SCIN: variants seen among roughly 807,000 people sequenced by gnomAD.
SCIN encodes the protein scinderin.
In SCIN, 91 loss-of-function variants were observed where a neutral mutation model predicts 91.8. The observed-to-expected ratio is 0.99, with a 90% CI of 0.84 to 1.18. The LOEUF (loss-of-function observed/expected upper bound fraction) is 1.18. Ranked by LOEUF, SCIN falls within the 50% of genes most tolerant of loss-of-function variation. The pLI is 0.00. For missense variants in SCIN, 1,087 were observed against 863.9 expected (o/e 1.26, Z -3.24); for synonymous variants, 367 against 312.6 (o/e 1.17, Z -1.84).
chr7:12,597,750 A>G (rs925364457), intron 3 of SCIN, among the ~76,000 whole-genome samples: 1 of 152,210 alleles, frequency 6.6e-6, no homozygotes, highest in Non-Finnish European at 1.5e-5. Flanking sequence ...ACTAACTGCC[A>G]GTAACAGATT....
At chr7:12,602,905 G>A (rs963757308) in intron 3 of SCIN, among the ~76,000 whole-genome samples, 18 of 152,122 alleles carry the variant, frequency 1.2e-4, no homozygotes, top group Admixed American at 8.5e-4. Flanking sequence ...TTCAGCTTAC[G>A]AAGGTAATAG....
intron 4 of SCIN, 60 bp downstream of exon 4, chr7:12,604,723 G>A (rs200411842): frequency 2.2e-6 from 2 of 919,480 alleles, no homozygotes; most frequent in South Asian, 4.7e-5. Flanking sequence ...GTGTCTGTGT[G>A]GTGTGTGTGT....
At chr7:12,641,820 C>T (rs933132953) in intron 11 of SCIN, among the ~76,000 whole-genome samples, 1 of 152,010 alleles carries the variant, frequency 6.6e-6, no homozygotes, top group Non-Finnish European at 1.5e-5. Flanking sequence ...CCTTTCTCCC[C>T]AGATCCCCAG....
rs997643385 is a variant in SCIN, at chr7:12,651,952, C to T, written c.2020+51C>T. On this transcript the variant is annotated intron_variant, in intron 15 of 15. Transcript: ENST00000297029. This position sits in a 1 kb window ranked among gnomAD's most constrained non-coding sequence, Gnocchi z 5.9. Reference sequence around the variant, plus strand: ...AGCAGTAACCGGGCACCATTATGACCGAGTGTCTGGCTTGCTCTTTGCCAC... The same window carrying T: ...AGCAGTAACCGGGCACCATTATGACTGAGTGTCTGGCTTGCTCTTTGCCAC... 1.1e-5 allele frequency: 14 copies of T among 1,270,474 alleles called. No homozygotes were observed. The East Asian group carries it at 1.7e-4, about 16-fold the overall frequency. The allele number at this position is 1,270,474 out of a possible 1,614,324, so 78.7% of individuals were successfully genotyped here.
At chr7:12,588,847 G>C (rs1157047473) in intron 3 of SCIN, 1 of 130,918 alleles carries the variant, frequency 7.6e-6, no homozygotes, top group Non-Finnish European at 1.6e-5. Context: ...GAAGGGGGAG[G>C]GGTTCTGGTG....
At position 12,649,507 on chromosome 7, in the gene SCIN, C is replaced by A; in HGVS notation, c.1922C>A (p.Ala641Asp). 1 of 1,603,206 alleles carries A rather than the reference C, an allele frequency of 6.2e-7. No individual in the cohort carries two copies. The highest frequency in any genetic ancestry group is 8.5e-7 in the Non-Finnish European group (1 of 1,174,336). The change falls in exon 14 of 16, where the codon GCT becomes GAT. Residue 641 changes from alanine to aspartate, a missense_variant. Transcript: ENST00000297029. ...GGAGAGTTCACCCAGGATGATTTAG[C>A]TGAAGATGATGTCATGTTACTAGAT... ...IPGEFTQDDL[A>D]EDDVMLLDAW...
Position 12,636,142 on chromosome 7 carries a change from A to T in SCIN, c.1410+7A>T. 2 of 1,605,962 alleles carry T rather than the reference A, an allele frequency of 1.2e-6. No homozygotes were observed. Among genetic ancestry groups the T allele is most frequent in the Non-Finnish European group, 1.7e-6 (2 of 1,174,554 alleles). On this transcript the variant is annotated splice_region_variant and intron_variant, in intron 10 of 15. Coordinates refer to ENST00000297029, the MANE Select transcript of SCIN (RefSeq NM_001112706.3). ...TGGAGGACAGGCTGTGCAGGTTGGG[A>T]TATTTTTACCCCCAAAACTCACACA...
rs1751992983 is a variant in SCIN at position 12,614,876 on chromosome 7, C to CT, written c.667-7923dup. On this transcript the variant is annotated intron_variant, in intron 4 of 15. Transcript: ENST00000297029. ...ATGCCACCATGTAGAGAGCAGAAGA[C>CT]TTAGAGCTTTAAGACACTATCTGCA... Among the ~76,000 whole-genome samples, 3 of 152,120 alleles carry CT rather than the reference C, an allele frequency of 2.0e-5. No homozygotes were observed. The South Asian group carries it at 6.2e-4, about 32-fold the overall frequency.
intron 4 of SCIN, among the ~76,000 whole-genome samples, chr7:12,606,122 T>C (rs1783076140): frequency 6.6e-6 from 1 of 152,244 alleles, no homozygotes; most frequent in Admixed American, 6.5e-5. Flanking sequence ...ATTGTACTCC[T>C]GCGATGCGCC....
At position 12,655,826 on chromosome 7, in the gene SCIN, G is replaced by C. The variant is rs1324803370; in HGVS notation, c.*3111G>C. ...TTCCCTAGCAAGTTAATATGCTTGT[G>C]TCTCTTCAAACCAATATATTGGCAT... is the stretch of plus-strand genomic sequence containing the variant. On this transcript the variant is annotated 3_prime_UTR_variant, in exon 16 of 16. Coordinates refer to ENST00000297029, the MANE Select transcript of SCIN (RefSeq NM_001112706.3). 3.9e-5 allele frequency: 6 copies of C among 152,280 alleles called. No homozygotes were observed. In the East Asian group the frequency reaches 1.2e-3, roughly 29 times the overall value. The allele number at this position is 152,280 out of a possible 1,614,324, so 9.4% of individuals were successfully genotyped here. A position where few individuals can be genotyped will look rare whatever the true frequency, so the allele number is the denominator to read the frequency against.
At chr7:12,615,979 A>G (rs1004998029) in intron 4 of SCIN, among the ~76,000 whole-genome samples, 1 of 152,158 alleles carries the variant, frequency 6.6e-6, no homozygotes, top group East Asian at 1.9e-4. Context: ...ACAAGTTCAT[A>G]TAAATATGTG....
chr7:12,629,178 C>T lies in SCIN; in HGVS notation c.1275C>T (p.Tyr425=), dbSNP rs779782198. The T allele has an allele frequency of 3.1e-6, 5 of 1,613,210 alleles. No individual in the cohort carries two copies. Among genetic ancestry groups the T allele is most frequent in the Non-Finnish European group, 4.2e-6 (5 of 1,179,476 alleles). The change falls in exon 9 of 16, where the codon TAC becomes TAT. Residue 425 remains tyrosine, a synonymous_variant. Coordinates refer to ENST00000297029, the MANE Select transcript of SCIN (RefSeq NM_001112706.3). ...SYGEFYGGDC[Y]IILYTYPRGQ... Reference sequence around the variant, plus strand: ...GTGAATTCTATGGTGGTGACTGCTACATCATACTCTACACCTATCCCAGAG... The same window carrying T: ...GTGAATTCTATGGTGGTGACTGCTATATCATACTCTACACCTATCCCAGAG...
At chr7:12,605,730 G>A (rs1783069148) in intron 4 of SCIN, among the ~76,000 whole-genome samples, 1 of 152,182 alleles carries the variant, frequency 6.6e-6, no homozygotes, top group African/African-American at 2.4e-5. Context: ...GATTAGGGAT[G>A]CTCAACTTGT....
chr7:12,630,122 C>G (rs1288387897), intron 9 of SCIN, among the ~76,000 whole-genome samples: 2 of 151,816 alleles, frequency 1.3e-5, no homozygotes, highest in East Asian at 1.9e-4. Flanking sequence ...GGTGACATTT[C>G]TTTTTGGTGA....
intron 4 of SCIN, among the ~76,000 whole-genome samples, chr7:12,621,669 T>G (rs1430323010): frequency 6.6e-6 from 1 of 150,446 alleles, no homozygotes; most frequent in Non-Finnish European, 1.5e-5. Flanking sequence ...CTTGATTCTA[T>G]TTTTAGCAAA....
intron 4 of SCIN, 67 bp downstream of exon 4, chr7:12,604,730 G>GTT: frequency 1.4e-6 from 2 of 1,396,910 alleles, no homozygotes; most frequent in East Asian, 2.5e-5. Context: ...TGTGGTGTGT[G>GTT]TGTGTGTGTA....
intron 3 of SCIN, among the ~76,000 whole-genome samples, chr7:12,592,028 C>T (rs990941922): frequency 3.9e-5 from 6 of 152,148 alleles, no homozygotes; most frequent in East Asian, 1.9e-4. Context: ...AGTAAGGTTT[C>T]GGGCTAGAGC....
At chr7:12,620,500 CA>C (rs1256434148) in intron 4 of SCIN, among the ~76,000 whole-genome samples, 1 of 152,046 alleles carries the variant, frequency 6.6e-6, no homozygotes, top group Non-Finnish European at 1.5e-5. Flanking sequence ...ACAATAGGTT[CA>C]TCCATGTTGT....
rs1003621119 is a variant in SCIN, at chr7:12,656,104, A to C, written c.*3389A>C. On this transcript the variant is annotated 3_prime_UTR_variant, in exon 16 of 16. Transcript: ENST00000297029. ...AGCTCATCAAATAATATTTCCCACC[A>C]CTTATTTCTAGCAGTTCTGGTAAAG... 5.3e-5 allele frequency: 8 copies of C among 152,086 alleles called. No individual in the cohort carries two copies. In the East Asian group the frequency reaches 1.5e-3, roughly 29 times the overall value. The allele number at this position is 152,086 out of a possible 1,614,324, so 9.4% of individuals were successfully genotyped here.
Sources: allele counts gnomAD v4.1 joint callset (sites outside exome capture counted in the v4.1 genomes callset), GRCh38; gene constraint gnomAD v4.1.1; non-coding constraint Gnocchi (gnomAD v3.1); transcripts MANE v1.5; gene names NCBI Gene and HGNC (gene_info 2026-07-23, HGNC 2026-07-21).